The following PAX8 variants were observed in gnomAD, a reference collection of about 807,000 sequenced individuals.
PAX8 encodes the protein paired box 8.
A neutral mutation model predicts 52.4 loss-of-function variants in PAX8; 15 were observed. That is an observed-to-expected ratio of 0.29 (90% confidence interval 0.19 to 0.44). The LOEUF is 0.44. PAX8 is among the 20% of genes least tolerant of loss of function. The pLI is 1.00. For missense variants in PAX8, 554 were observed against 602.5 expected (o/e 0.92, Z 0.84); for synonymous variants, 284 against 249.7 (o/e 1.14, Z -1.29).
chr2:113,236,351 C>T, intron 8 of PAX8: 1 of 305,142 alleles, frequency 3.3e-6, no homozygotes, highest in Non-Finnish European at 5.7e-6. Context: ...CCTTGAGGCC[C>T]GGCCTAGGAC....
intron 10 of PAX8, chr2:113,226,699 CTTCAGA>C (rs1689599798): frequency 1.8e-6 from 2 of 1,124,742 alleles, no homozygotes; most frequent in African/African-American, 1.6e-5. Context: ...CATCAATACC[CTTCAGA>C]TTCAGATTTT....
Position 113,218,195 on chromosome 2 carries a change from T to TC in PAX8, c.*337dup. 3.5e-6 allele frequency: 1 copy of TC among 287,596 alleles called. No individual in the cohort carries two copies. The highest frequency in any genetic ancestry group is 6.5e-6 in the Non-Finnish European group (1 of 154,494). The allele number at this position is 287,596 out of a possible 1,614,324, so 17.8% of individuals were successfully genotyped here. On this transcript the variant is annotated 3_prime_UTR_variant, in exon 12 of 12. Coordinates refer to ENST00000429538, the MANE Select transcript of PAX8 (RefSeq NM_003466.4). Reference sequence around the variant, plus strand: ...GGGCCCGGGCAGGAACCATTCGCCATCCCCCCAAGTTCCTCGGCTATTGCT... The same window carrying TC: ...GGGCCCGGGCAGGAACCATTCGCCATCCCCCCCAAGTTCCTCGGCTATTGCT...
chr2:113,271,566 A>G (rs1480442167), intron 2 of PAX8: 1 of 151,678 alleles, frequency 6.6e-6, no homozygotes, highest in Non-Finnish European at 1.5e-5. Context: ...TATTTTAATT[A>G]AACTGGAGAG....
At chr2:113,264,852 A>C (rs1196703789) in intron 2 of PAX8, among the ~76,000 whole-genome samples, 1 of 152,196 alleles carries the variant, frequency 6.6e-6, no homozygotes, top group African/African-American at 2.4e-5. Flanking sequence ...AGGTAGCTGC[A>C]TTGAATGGGC....
chr2:113,254,849 T>C (rs1692077687), intron 2 of PAX8, among the ~76,000 whole-genome samples: 1 of 152,164 alleles, frequency 6.6e-6, no homozygotes, highest in African/African-American at 2.4e-5. Flanking sequence ...CTTCTCCAGA[T>C]TGATTTCCAT....
At chr2:113,260,799 C>G (rs900981050) in intron 2 of PAX8, among the ~76,000 whole-genome samples, 1 of 152,076 alleles carries the variant, frequency 6.6e-6, no homozygotes, top group Non-Finnish European at 1.5e-5. Flanking sequence ...GCTTGACTAG[C>G]TCATGGAGGA....
In PAX8 at chr2:113,241,350, C is replaced by A. The variant is rs1021857818; in HGVS notation, c.777+201G>T. The A allele has an allele frequency of 4.5e-6, 3 of 665,952 alleles. No homozygotes were observed. The African/African-American group carries it at 5.3e-5, about 12-fold the overall frequency. The allele number at this position is 665,952 out of a possible 1,614,324, so 41.3% of individuals were successfully genotyped here. A position where few individuals can be genotyped will look rare whatever the true frequency, so the allele number is the denominator to read the frequency against. ...GCTCAAAGGTTTTGGGTGAAGGAAG[C>A]CAGGAGGGTTAGAAAGGGAGGAAGA... On this transcript the variant is annotated intron_variant, in intron 7 of 11. Transcript: ENST00000429538.
intron 2 of PAX8, among the ~76,000 whole-genome samples, chr2:113,262,849 C>T (rs1367177245): frequency 6.6e-6 from 1 of 152,220 alleles, no homozygotes; most frequent in African/African-American, 2.4e-5. Context: ...AAGGAAACAA[C>T]TCTTCTGACC....
chr2:113,225,149 G>A (rs1385111589), intron 10 of PAX8, among the ~76,000 whole-genome samples: 1 of 152,170 alleles, frequency 6.6e-6, no homozygotes, highest in African/African-American at 2.4e-5. Context: ...CTTATGGTCA[G>A]GGTAAAATTA....
At chr2:113,252,884 T>C (rs1691893104) in intron 2 of PAX8, among the ~76,000 whole-genome samples, 1 of 152,232 alleles carries the variant, frequency 6.6e-6, no homozygotes, top group South Asian at 2.1e-4. Flanking sequence ...GACCTCAAAA[T>C]ACATTAAACA....
chr2:113,242,066 G>A lies in PAX8; in HGVS notation c.543C>T (p.Ser181=), dbSNP rs1483731945. The change falls in exon 6 of 12, where the codon TCC becomes TCT. Residue 181 remains serine (S), a synonymous_variant. Coordinates refer to ENST00000429538, the MANE Select transcript of PAX8 (RefSeq NM_003466.4). ...PQSDSLGSTY[S]INGLLGIAQP... Reference sequence around the variant, plus strand: ...GAGCGATGCCCAGGAGCCCATTGATGGAGTAGGTGGAGCCCAGGGAATCCG... The same window carrying A: ...GAGCGATGCCCAGGAGCCCATTGATAGAGTAGGTGGAGCCCAGGGAATCCG... 1 of 1,613,674 alleles carries A rather than the reference G, an allele frequency of 6.2e-7. No homozygotes were observed. The highest frequency in any genetic ancestry group is 8.5e-7 in the Non-Finnish European group (1 of 1,179,748).
chr2:113,245,303 C>T (rs1691224708), intron 3 of PAX8, among the ~76,000 whole-genome samples: 3 of 152,178 alleles, frequency 2.0e-5, no homozygotes, highest in South Asian at 4.1e-4. Flanking sequence ...ACCTTGGCCT[C>T]CCAAAGTGCT....
chr2:113,260,620 G>A (rs867742483), intron 2 of PAX8, among the ~76,000 whole-genome samples: 15 of 152,076 alleles, frequency 9.9e-5, no homozygotes, highest in African/African-American at 3.6e-4. Context: ...GCTGTAGCTG[G>A]GGTGACTGCA....
Position 113,226,765 on chromosome 2 carries a change from G to C in PAX8, c.1189+390C>G, listed in dbSNP as rs1689603228. On this transcript the variant is annotated intron_variant, in intron 10 of 11. Transcript: ENST00000429538. ...TCAGAGTTAAATCACTGGGAGACCAGCACTGCTTGAGGGTAGGGTTCATCT... is the reference window on the plus strand; with the variant it reads ...TCAGAGTTAAATCACTGGGAGACCACCACTGCTTGAGGGTAGGGTTCATCT... The C allele has an allele frequency of 1.1e-5, 13 of 1,182,430 alleles. No individual in the cohort carries two copies. The East Asian group carries it at 5.5e-4, about 50-fold the overall frequency. 73.2% of individuals were successfully genotyped at this position (1,182,430 alleles called of 1,614,324 possible).
chr2:113,244,173 G>A (rs1030336244), intron 4 of PAX8, among the ~76,000 whole-genome samples: 2 of 152,200 alleles, frequency 1.3e-5, no homozygotes, highest in Non-Finnish European at 2.9e-5. Context: ...CAGATGTGGT[G>A]TTTGAGGAAG....
intron 2 of PAX8, among the ~76,000 whole-genome samples, chr2:113,258,623 G>T (rs957216846): frequency 6.6e-6 from 1 of 152,168 alleles, no homozygotes; most frequent in Non-Finnish European, 1.5e-5. Flanking sequence ...TCGCAGCTCC[G>T]CTGTTATTCT....
Position 113,258,925 on chromosome 2 carries a change from T to A in PAX8, c.26-12006A>T, listed in dbSNP as rs188830439. 2.0e-4 allele frequency among the ~76,000 whole-genome samples: 30 copies of A among 152,266 alleles called. No individual in the cohort carries two copies. In the East Asian group the frequency reaches 4.9e-3, roughly 25 times the overall value. ...GAGCTGCTTCAAATGTCAATAGACC[T>A]CTAAGCTCCTTAAGAAAAGTACTAC... On this transcript the variant is annotated intron_variant, in intron 2 of 11. Coordinates refer to ENST00000429538, the MANE Select transcript of PAX8 (RefSeq NM_003466.4).
At position 113,218,528 on chromosome 2, in the gene PAX8, G is replaced by A; in HGVS notation, c.*5C>T. 2 of 1,541,112 alleles carry A rather than the reference G, an allele frequency of 1.3e-6. No individual in the cohort carries two copies. The highest frequency in any genetic ancestry group is 1.8e-6 in the Non-Finnish European group (2 of 1,139,662). ...GCTCAGTCGCTCCCACTGTCCCCAT[G>A]GCAACTACAGATGGTCAAAGGCCGT... is the stretch of plus-strand genomic sequence containing the variant. On this transcript the variant is annotated 3_prime_UTR_variant, in exon 12 of 12. Coordinates refer to ENST00000429538, the MANE Select transcript of PAX8 (RefSeq NM_003466.4).
intron 2 of PAX8, among the ~76,000 whole-genome samples, chr2:113,249,620 G>A (rs763983050): frequency 6.6e-5 from 10 of 152,098 alleles, no homozygotes; most frequent in Non-Finnish European, 1.2e-4. Context: ...TAAGTTGTGT[G>A]GGACATTGCT....
Sources: gnomAD v4.1 joint callset for allele counts (sites outside exome capture counted in the v4.1 genomes callset) on GRCh38, gnomAD v4.1.1 for gene constraint, MANE v1.5 for transcripts, NCBI Gene and HGNC (gene_info 2026-07-23, HGNC 2026-07-21) for gene names.